The following KCNMA1 variants were observed in gnomAD, a reference collection of about 807,000 sequenced individuals.
The protein encoded by KCNMA1 is Calcium-activated potassium channel subunit alpha-1.
KCNMA1 carries 29 observed loss-of-function variants against 140.0 expected under a neutral mutation model. The ratio of observed to expected loss-of-function variants is 0.21; its 90% CI spans 0.15 to 0.28. The LOEUF (loss-of-function observed/expected upper bound fraction) is 0.28. KCNMA1 is among the 10% of genes least tolerant of loss of function. KCNMA1 has a pLI of 1.00. For missense variants in KCNMA1, 880 were observed against 1,602.2 expected, an observed-to-expected ratio of 0.55 and a Z score of 7.70; for synonymous variants, 612 against 611.9, an observed-to-expected ratio of 1.00 and a Z score of 0.00.
At chr10:77,562,533 C>T (rs896808597) in intron 1 of KCNMA1, among the ~76,000 whole-genome samples, 7 of 152,164 alleles carry the variant, frequency 4.6e-5, no homozygotes, top group African/African-American at 1.7e-4. Context: ...TTTACAAAGT[C>T]TACTACCACA....
chr10:77,522,869 G>C (rs1284337227), intron 1 of KCNMA1, among the ~76,000 whole-genome samples: 3 of 152,134 alleles, frequency 2.0e-5, no homozygotes, highest in Non-Finnish European at 4.4e-5. Flanking sequence ...TCTTCCATTT[G>C]AGTAAGCTTC....
At chr10:77,050,259 C>T (rs1295213009) in intron 14 of KCNMA1, among the ~76,000 whole-genome samples, 1 of 146,276 alleles carries the variant, frequency 6.8e-6, no homozygotes, top group Non-Finnish European at 1.5e-5. Context: ...GAGGCCAAAA[C>T]AACTTGATCT....
chr10:76,948,866 G>C, intron 22 of KCNMA1: 1 of 515,168 alleles, frequency 1.9e-6, no homozygotes, highest in East Asian at 3.6e-5. Context: ...ATAGGCAGGA[G>C]TGAGAGTGTT....
rs186152367 is a variant in KCNMA1 at position 77,211,380 on chromosome 10, G to A, written c.603-26464C>T. On this transcript the variant is annotated intron_variant, in intron 3 of 27. Coordinates refer to ENST00000286628, the MANE Select transcript of KCNMA1 (RefSeq NM_001161352.2). Reference sequence around the variant, plus strand: ...AGGGACTCTCTATTAAATAAATGGTGTGGGTATAACTGGCTAACCATACGT... The same window carrying A: ...AGGGACTCTCTATTAAATAAATGGTATGGGTATAACTGGCTAACCATACGT... 1.7e-3 allele frequency among the ~76,000 whole-genome samples: 258 copies of A among 152,240 alleles called. No individual in the cohort carries two copies. The Middle Eastern group carries it at 0.02, about 12-fold the overall frequency.
intron 2 of KCNMA1, among the ~76,000 whole-genome samples, chr10:77,270,352 G>A (rs1329164593): frequency 2.6e-5 from 4 of 152,118 alleles, no homozygotes; most frequent in Admixed American, 6.5e-5. Context: ...TGTTGGTCCC[G>A]GGGAACTGGG....
chr10:76,907,196 C>A (rs1036852933), intron 25 of KCNMA1, among the ~76,000 whole-genome samples: 1 of 152,232 alleles, frequency 6.6e-6, no homozygotes, highest in Non-Finnish European at 1.5e-5. Context: ...CATACTATTG[C>A]ATCCAAACAT....
chr10:77,080,208 C>T (rs1413444572), intron 12 of KCNMA1, among the ~76,000 whole-genome samples: 6 of 152,174 alleles, frequency 3.9e-5, no homozygotes, highest in Non-Finnish European at 7.3e-5. Context: ...AGTTACTACC[C>T]CTTCCCTAGA....
chr10:77,610,757 G>A (rs1353508397), intron 1 of KCNMA1, among the ~76,000 whole-genome samples: 1 of 152,194 alleles, frequency 6.6e-6, no homozygotes. Context: ...CTGCTTAATG[G>A]TACAGGACTT....
intron 18 of KCNMA1, among the ~76,000 whole-genome samples, chr10:77,007,879 G>A (rs2089555681): frequency 6.6e-6 from 1 of 151,830 alleles, no homozygotes; most frequent in East Asian, 1.9e-4. Flanking sequence ...GCCTTCAAGA[G>A]AAACACACTG....
chr10:77,370,034 G>A lies in KCNMA1; in HGVS notation c.540+33828C>T, dbSNP rs993283936. ...AGGCATGTCTCAGCTACAGCAAGGT[G>A]GGGCATGACATATTGCCCCCCAAAA... On this transcript the variant is annotated intron_variant, in intron 2 of 27. Coordinates refer to ENST00000286628, the MANE Select transcript of KCNMA1 (RefSeq NM_001161352.2). 2.4e-4 allele frequency among the ~76,000 whole-genome samples: 36 copies of A among 152,286 alleles called. 2 individuals carry two copies. Among genetic ancestry groups the A allele is most frequent in the South Asian group, 1.5e-3 (7 of 4,820 alleles).
chr10:77,253,150 C>A (rs1309746421), intron 2 of KCNMA1, among the ~76,000 whole-genome samples: 1 of 152,188 alleles, frequency 6.6e-6, no homozygotes, highest in Non-Finnish European at 1.5e-5. Flanking sequence ...GAGGCATAAG[C>A]AGTTAGATCC....
chr10:77,426,602 A>C (rs1188336529), intron 1 of KCNMA1, among the ~76,000 whole-genome samples: 3 of 152,230 alleles, frequency 2.0e-5, no homozygotes, highest in Non-Finnish European at 4.4e-5. Flanking sequence ...TGACTATTAT[A>C]GTCTCTTGTC....
intron 20 of KCNMA1, among the ~76,000 whole-genome samples, chr10:76,960,343 C>T (rs535841101): frequency 2.1e-4 from 32 of 152,020 alleles, no homozygotes; most frequent in Middle Eastern, 6.8e-3. Context: ...AGTTTGAGAC[C>T]GGCCTAGGCA....
intron 14 of KCNMA1, chr10:77,064,170 A>T: frequency 1.0e-6 from 1 of 952,682 alleles, no homozygotes; most frequent in Middle Eastern, 5.5e-4. Context: ...AAAATATTAG[A>T]TGAAAATATA....
At chr10:77,619,381 T>C (rs188493681) in intron 1 of KCNMA1, among the ~76,000 whole-genome samples, 1 of 152,054 alleles carries the variant, frequency 6.6e-6, no homozygotes, top group Non-Finnish European at 1.5e-5. Context: ...TCACTCTCGC[T>C]CTTCCCCCTG....
intron 1 of KCNMA1, among the ~76,000 whole-genome samples, chr10:77,515,364 G>A (rs887107718): frequency 2.0e-5 from 3 of 151,860 alleles, no homozygotes; most frequent in African/African-American, 7.3e-5. Flanking sequence ...GTAAATATAG[G>A]CAATTGATGA....
chr10:77,197,695 G>A (rs2040998769), intron 3 of KCNMA1, among the ~76,000 whole-genome samples: 1 of 152,214 alleles, frequency 6.6e-6, no homozygotes, highest in South Asian at 2.1e-4. Flanking sequence ...GGGCAGTGCA[G>A]GAAAAGAATC....
At chr10:77,290,734 A>G (rs535823521) in intron 2 of KCNMA1, among the ~76,000 whole-genome samples, 3 of 152,236 alleles carry the variant, frequency 2.0e-5, no homozygotes, top group Non-Finnish European at 4.4e-5. Context: ...TACCTCTGAA[A>G]AAAACAAACA....
At chr10:77,538,686 C>A (rs1371413050) in intron 1 of KCNMA1, among the ~76,000 whole-genome samples, 1 of 152,132 alleles carries the variant, frequency 6.6e-6, no homozygotes, top group Non-Finnish European at 1.5e-5. Context: ...ATCAATGGCA[C>A]CCCCTCCCCC....
Sources: allele counts gnomAD v4.1 joint callset (sites outside exome capture counted in the v4.1 genomes callset), GRCh38; gene constraint gnomAD v4.1.1; transcripts MANE v1.5; gene names NCBI Gene and HGNC (gene_info 2026-07-23, HGNC 2026-07-21).